The following ENTREP2 variants were observed in gnomAD, a reference collection of about 807,000 sequenced individuals.
ENTREP2 encodes protein ENTREP2.
At chr15:29,239,917 G>T in the ENTREP2 span, among the ~76,000 whole-genome samples, 1 of 152,162 alleles carries the variant, frequency 6.6e-6, no homozygotes, top group Non-Finnish European at 1.5e-5. Context: ...ATTATTCAAA[G>T]AATGACTTTT....
At chr15:29,484,092 A>C in the ENTREP2 span, among the ~76,000 whole-genome samples, 1 of 152,216 alleles carries the variant, frequency 6.6e-6, no homozygotes, top group African/African-American at 2.4e-5. Context: ...AAAGCTCAGA[A>C]GGAACCAAAA....
the ENTREP2 span, among the ~76,000 whole-genome samples, chr15:29,640,908 C>T: frequency 3.8e-4 from 58 of 152,080 alleles, no homozygotes; most frequent in Non-Finnish European, 6.2e-4. Context: ...CTTATGAGTA[C>T]AGATGCAAAA....
chr15:29,514,594 A>C, the ENTREP2 span, among the ~76,000 whole-genome samples: 1 of 152,136 alleles, frequency 6.6e-6, no homozygotes, highest in Non-Finnish European at 1.5e-5. Flanking sequence ...GTGTGGTTCC[A>C]TGCCTTTCCT....
chr15:29,164,533 A>G, the ENTREP2 span, among the ~76,000 whole-genome samples: 7,487 of 152,302 alleles, frequency 0.049, 603 homozygotes, highest in African/African-American at 0.17. Context: ...AGCTATTCTT[A>G]TATCAGACAA....
the ENTREP2 span, among the ~76,000 whole-genome samples, chr15:29,172,127 C>T: frequency 1.3e-5 from 2 of 152,118 alleles, no homozygotes; most frequent in African/African-American, 4.8e-5. Flanking sequence ...TAGATTTGAG[C>T]CTGCTTGAAA....
the ENTREP2 span, among the ~76,000 whole-genome samples, chr15:29,586,740 T>G: frequency 1.6e-4 from 24 of 147,224 alleles, no homozygotes; most frequent in African/African-American, 6.0e-4. Flanking sequence ...CAGAGCAAGA[T>G]ACTGTCTCAA....
the ENTREP2 span, among the ~76,000 whole-genome samples, chr15:29,368,560 GA>G: frequency 1.1e-4 from 17 of 152,014 alleles, no homozygotes; most frequent in Middle Eastern, 6.8e-3. Flanking sequence ...AAATATTAAT[GA>G]AGAGATAGAA....
chr15:29,384,763 C>G, the ENTREP2 span, among the ~76,000 whole-genome samples: 1 of 152,130 alleles, frequency 6.6e-6, no homozygotes, highest in Non-Finnish European at 1.5e-5. Context: ...CCCAGCCCTC[C>G]CGGCCCCAGC....
the ENTREP2 span, among the ~76,000 whole-genome samples, chr15:29,460,059 C>CAACA: frequency 1.3e-5 from 2 of 152,132 alleles, no homozygotes; most frequent in South Asian, 2.1e-4. Context: ...CCAGCCTGGG[C>CAACA]AACACAGCAA....
the ENTREP2 span, among the ~76,000 whole-genome samples, chr15:29,565,701 C>T: frequency 2.6e-5 from 4 of 152,120 alleles, no homozygotes; most frequent in Non-Finnish European, 4.4e-5. Context: ...CGGTGGCTCA[C>T]GCCTGTAATC....
chr15:29,157,797 T>C, the ENTREP2 span, among the ~76,000 whole-genome samples: 5 of 151,226 alleles, frequency 3.3e-5, no homozygotes, highest in African/African-American at 1.2e-4. Context: ...TGGCGCGATA[T>C]CGGCTCACTG....
At chr15:29,621,242 G>A in the ENTREP2 span, among the ~76,000 whole-genome samples, 1 of 151,412 alleles carries the variant, frequency 6.6e-6, no homozygotes, top group African/African-American at 2.4e-5. Context: ...AAAAAAAATA[G>A]GCGGGGCACA....
chr15:29,270,458 T>C, the ENTREP2 span, among the ~76,000 whole-genome samples: 1 of 152,188 alleles, frequency 6.6e-6, no homozygotes, highest in Admixed American at 6.5e-5. Context: ...TGTTTTAGCT[T>C]GGTCACATGG....
the ENTREP2 span, among the ~76,000 whole-genome samples, chr15:29,399,849 T>C: frequency 6.6e-6 from 1 of 152,184 alleles, no homozygotes; most frequent in Non-Finnish European, 1.5e-5. Flanking sequence ...TTACTATTCA[T>C]TAAGTGGAAG....
At chr15:29,444,214 G>GA in the ENTREP2 span, among the ~76,000 whole-genome samples, 229 of 146,212 alleles carry the variant, frequency 1.6e-3, 4 homozygotes, top group African/African-American at 5.8e-3. Context: ...AAGAAAGAAA[G>GA]AAAGAAAGAA....
At chr15:29,223,788 C>G in the ENTREP2 span, among the ~76,000 whole-genome samples, 1 of 152,118 alleles carries the variant, frequency 6.6e-6, no homozygotes, top group Admixed American at 6.5e-5. Flanking sequence ...TTCCCCAGTC[C>G]CTGCAACAGG....
the ENTREP2 span, among the ~76,000 whole-genome samples, chr15:29,326,246 G>A: frequency 7.9e-5 from 12 of 152,144 alleles, no homozygotes; most frequent in African/African-American, 2.9e-4. Context: ...ACAAGAAAAG[G>A]AAATAAAAGG....
chr15:29,145,622 CAAAAAAAAAAA>C, the ENTREP2 span, among the ~76,000 whole-genome samples: 2 of 58,254 alleles, frequency 3.4e-5, no homozygotes, highest in African/African-American at 1.5e-4. Flanking sequence ...GACTCCATCT[CAAAAAAAAAAA>C]AAAAAAAAAA....
the ENTREP2 span, among the ~76,000 whole-genome samples, chr15:29,305,192 C>T: frequency 6.6e-6 from 1 of 152,116 alleles, no homozygotes; most frequent in Non-Finnish European, 1.5e-5. Flanking sequence ...TTATCAAATG[C>T]AAAGATAAAT....
Sources: allele counts gnomAD v4.1 joint callset (sites outside exome capture counted in the v4.1 genomes callset), GRCh38; gene constraint gnomAD v4.1.1; transcripts MANE v1.5; gene names NCBI Gene and HGNC (gene_info 2026-07-23, HGNC 2026-07-21).